The following PCYT1B variants were observed in gnomAD, a reference collection of about 807,000 sequenced individuals.
The protein encoded by PCYT1B is phosphate cytidylyltransferase 1B, choline.
Under a neutral mutation model 26.4 loss-of-function variants are expected in PCYT1B, and 10 were observed. That is an observed-to-expected ratio of 0.38 (90% CI 0.23 to 0.64). The LOEUF is 0.64. Among genes scored for constraint, PCYT1B ranks in the 30% least tolerant of loss-of-function variants. The probability of loss-of-function intolerance (pLI) is 0.56; values close to 1 mark genes in which losing one functional copy is unlikely to be tolerated. For missense variants in PCYT1B, 161 were observed against 292.7 expected, an observed-to-expected ratio of 0.55 and a Z score of 3.28; for synonymous variants, 131 against 108.4, an observed-to-expected ratio of 1.21 and a Z score of -1.29.
chrX:24,572,745 T>G lies in PCYT1B; in HGVS notation c.897+2385A>C, dbSNP rs149129954. Among the ~76,000 whole-genome samples the G allele has an allele frequency of 3.5e-3, 385 of 110,379 alleles. 5 individuals carry two copies. Among genetic ancestry groups the G allele is most frequent in the African/African-American group, 0.012 (364 of 30,402 alleles). On this transcript the variant is annotated intron_variant, in intron 7 of 7. Transcript: ENST00000379144. ...TATGGTAAATTAATGGTAATAACAG[T>G]TTTGACACTAATAGCAAGTTTTAAA...
intron 1 of PCYT1B, among the ~76,000 whole-genome samples, chrX:24,670,964 C>G (rs1338865320): frequency 9.0e-6 from 1 of 110,519 alleles, no homozygotes; most frequent in Non-Finnish European, 1.9e-5. Flanking sequence ...CAGTCCAGAA[C>G]TGAATCTAGT....
chrX:24,590,086 G>A lies in PCYT1B; in HGVS notation c.423C>T (p.Tyr141=), dbSNP rs760632423. The part of the protein sequence containing the change: ...ERYEALRHCR[Y]VDEVIRDAPW... Reference sequence around the variant, plus strand: ...GAGCATCTCTGATAACTTCGTCTACGTAGCGACAGTGTCTGAGAGCTTCGT... The same window carrying A: ...GAGCATCTCTGATAACTTCGTCTACATAGCGACAGTGTCTGAGAGCTTCGT... Residue 141 remains tyrosine, a synonymous_variant, in exon 4 of 8, where the codon TAC becomes TAT. Coordinates refer to ENST00000379144, the MANE Select transcript of PCYT1B (RefSeq NM_004845.5). 42 of 1,204,786 alleles carry A rather than the reference G, an allele frequency of 3.5e-5. No homozygotes were observed. The East Asian group carries it at 7.7e-4, about 22-fold the overall frequency.
intron 1 of PCYT1B, among the ~76,000 whole-genome samples, chrX:24,670,117 G>GAAAGA (rs1569261924): frequency 5.9e-4 from 44 of 74,697 alleles, no homozygotes; most frequent in African/African-American, 1.4e-3. Flanking sequence ...AGAAAGAAAG[G>GAAAGA]AAGGAAGGAA....
intron 7 of PCYT1B, among the ~76,000 whole-genome samples, chrX:24,562,864 A>AC (rs759911933): frequency 9.1e-6 from 1 of 109,515 alleles, no homozygotes; most frequent in East Asian, 2.9e-4. Flanking sequence ...AGTAGCTGGG[A>AC]TTACAGGTGC....
intron 1 of PCYT1B, among the ~76,000 whole-genome samples, chrX:24,663,288 C>G (rs1374507912): frequency 1.8e-5 from 2 of 112,318 alleles, no homozygotes; most frequent in Non-Finnish European, 3.8e-5. Context: ...TTTCTAGCTC[C>G]ACCAGTAAGT....
At position 24,562,358 on chromosome X, in the gene PCYT1B, A is replaced by G; in HGVS notation, c.1045T>C (p.Ser349Pro). 1 of 1,173,477 alleles carries G rather than the reference A, an allele frequency of 8.5e-7. No individual in the cohort carries two copies. Among genetic ancestry groups the G allele is most frequent in the Non-Finnish European group, 1.1e-6 (1 of 877,403 alleles). ...SWLPLKTSPP[S>P]SPKAASASIS... ...GAGGCTGAGGCTGCTTTGGGTGAGG[A>G]AGGGGGTGAGGTTTTGAGTGGAAGC... Residue 349 changes from serine to proline, a missense_variant, in exon 8 of 8, where the codon TCC (serine) becomes CCC (proline). By Grantham distance (74) the Ser-to-Pro change is moderately conservative. Around this residue, in one of 4 missense-constraint regions of PCYT1B, gnomAD observed 38 missense variants for 55.9 expected, o/e 0.68. Transcript: ENST00000379144.
rs1051746046 is a variant in PCYT1B at position 24,611,971 on chromosome X, C to CA, written c.218-4111dup. ...CTGGGCAACAAGAATGAAACTTTGTCAAAAAAAAACAAAAACAACAACCAC... is the reference window on the plus strand; with the variant it reads ...CTGGGCAACAAGAATGAAACTTTGTCAAAAAAAAAACAAAAACAACAACCAC... On this transcript the variant is annotated intron_variant, in intron 2 of 7. Coordinates refer to ENST00000379144, the MANE Select transcript of PCYT1B (RefSeq NM_004845.5). Among the ~76,000 whole-genome samples, 266 of 106,865 alleles carry CA rather than the reference C, an allele frequency of 2.5e-3. 2 individuals are homozygous for CA. The highest frequency in any genetic ancestry group is 6.7e-3 in the African/African-American group (196 of 29,403). The allele number at this position is 106,865 out of a possible 115,157, so 92.8% of individuals were successfully genotyped here.
At chrX:24,639,281 G>GAAAGTGATT (rs1248017052) in intron 1 of PCYT1B, among the ~76,000 whole-genome samples, 4 of 112,380 alleles carry the variant, frequency 3.6e-5, no homozygotes, top group African/African-American at 1.3e-4. Context: ...ATCCAGAGAG[G>GAAAGTGATT]AAAGTGATTT....
intron 1 of PCYT1B, among the ~76,000 whole-genome samples, chrX:24,640,173 C>A (rs1926419042): frequency 9.0e-6 from 1 of 111,655 alleles, no homozygotes; most frequent in East Asian, 2.8e-4. Flanking sequence ...ACTTCCCTAC[C>A]ACCTATAGGC....
At chrX:24,572,154 A>T (rs896848731) in intron 7 of PCYT1B, among the ~76,000 whole-genome samples, 1 of 111,099 alleles carries the variant, frequency 9.0e-6, no homozygotes, top group African/African-American at 3.3e-5. Context: ...AATTTGATCC[A>T]CCAAACACCA....
intron 1 of PCYT1B, among the ~76,000 whole-genome samples, chrX:24,646,145 A>G (rs1229379966): frequency 9.0e-6 from 1 of 111,083 alleles, no homozygotes; most frequent in Non-Finnish European, 1.9e-5. Context: ...ACCACAGAAA[A>G]CCCACCACCC....
chrX:24,575,327 A>C lies in PCYT1B; in HGVS notation c.709-9T>G. The C allele has an allele frequency of 9.0e-7, 1 of 1,105,389 alleles. No individual in the cohort carries two copies. 91.1% of individuals were successfully genotyped at this position (1,105,389 alleles called of 1,213,427 possible). A position where few individuals can be genotyped will look rare whatever the true frequency, so the allele number is the denominator to read the frequency against. ...AAACGGTACCTCTTCTCCTGGTGAA[A>C]GTTTACAGGAAAAAAAAAAACAGAT... is the stretch of plus-strand genomic sequence containing the variant. On this transcript the variant is annotated splice_polypyrimidine_tract_variant and intron_variant, in intron 6 of 7. Transcript: ENST00000379144.
At chrX:24,656,551 C>CTTTTTTTTTTTTTTTTTTTTTT (rs1179469896) in intron 1 of PCYT1B, among the ~76,000 whole-genome samples, 1 of 56,637 alleles carries the variant, frequency 1.8e-5, no homozygotes, top group Non-Finnish European at 3.0e-5. Flanking sequence ...TCTTTTTTTC[C>CTTTTTTTTTTTTTTTTTTTTTT]TTTTTTTTTT....
chrX:24,579,186 C>CA (rs367614190), intron 6 of PCYT1B, 130 bp downstream of exon 6: 15,181 of 341,650 alleles, frequency 0.044, 36 homozygotes, highest in African/African-American at 0.074. Flanking sequence ...CATCTCTACA[C>CA]AAAAAAAAAA....
At chrX:24,582,798 A>G (rs1924246467) in intron 5 of PCYT1B, among the ~76,000 whole-genome samples, 1 of 112,102 alleles carries the variant, frequency 8.9e-6, no homozygotes. Flanking sequence ...AAAATAAGCC[A>G]TGATTTGAGT....
At chrX:24,665,409 G>A (rs1749163607) in intron 1 of PCYT1B, among the ~76,000 whole-genome samples, 1 of 110,197 alleles carries the variant, frequency 9.1e-6, no homozygotes, top group African/African-American at 3.3e-5. Context: ...TCTTGCCTCA[G>A]CCCCCTGAGT....
At chrX:24,658,077 T>A (rs890091712) in intron 1 of PCYT1B, 3 of 111,820 alleles carry the variant, frequency 2.7e-5, no homozygotes, top group Admixed American at 9.6e-5. Flanking sequence ...TGCAGGGTCC[T>A]GAGGATTGTG....
chrX:24,562,283 C>T lies in PCYT1B; in HGVS notation c.*10G>A, dbSNP rs1293288986. 3.5e-6 allele frequency: 4 copies of T among 1,151,069 alleles called. No individual in the cohort carries two copies. Among genetic ancestry groups the T allele is most frequent in the African/African-American group, 1.8e-5 (1 of 55,602 alleles). 94.9% of individuals were successfully genotyped at this position (1,151,069 alleles called of 1,213,427 possible). ...TCCTGCATGGTGCGGCTCTTGCCTC[C>T]CAGCAGCCTCTACTTTTCATCCTCA... On this transcript the variant is annotated 3_prime_UTR_variant, in exon 8 of 8. Transcript: ENST00000379144.
intron 1 of PCYT1B, among the ~76,000 whole-genome samples, chrX:24,657,014 A>G (rs1926936384): frequency 8.9e-6 from 1 of 112,265 alleles, no homozygotes; most frequent in Non-Finnish European, 1.9e-5. Context: ...GGTTTTTTGC[A>G]TAAATTAAAG....
Sources: gnomAD v4.1 joint callset for allele counts (sites outside exome capture counted in the v4.1 genomes callset) on GRCh38, gnomAD v4.1.1 for gene constraint, gnomAD v4.1.1 regional missense constraint, MANE v1.5 for transcripts, NCBI Gene and HGNC (gene_info 2026-07-23, HGNC 2026-07-21) for gene names.